LTBP1: variants seen among roughly 807,000 people sequenced by gnomAD.
The protein encoded by LTBP1 is latent transforming growth factor beta binding protein 1.
In LTBP1, 129 loss-of-function variants were observed where a neutral mutation model predicts 207.6. The ratio of observed to expected loss-of-function variants is 0.62; its 90% confidence interval spans 0.54 to 0.72. The LOEUF (loss-of-function observed/expected upper bound fraction) is 0.72, where lower values mean the gene tolerates loss of function less well. Among genes scored for constraint, LTBP1 ranks in the 30% least tolerant of loss-of-function variants. The pLI is 0.00. For synonymous variants in LTBP1, 963 were observed against 833.7 expected (o/e 1.16, Z -2.67); for missense variants, 2,281 against 2,217.2 (o/e 1.03, Z -0.58).
chr2:33,150,481 A>G (rs939398760), intron 5 of LTBP1, among the ~76,000 whole-genome samples: 9 of 151,896 alleles, frequency 5.9e-5, no homozygotes, highest in African/African-American at 1.9e-4. Flanking sequence ...TATATTCATA[A>G]TTTTGTTCAG....
intron 5 of LTBP1, among the ~76,000 whole-genome samples, chr2:33,182,074 A>G (rs1266793242): frequency 1.3e-5 from 2 of 152,184 alleles, no homozygotes; most frequent in African/African-American, 4.8e-5. Flanking sequence ...ACTGGAGAAT[A>G]GATATTTTAT....
At chr2:33,082,779 C>A (rs2078522048) in intron 3 of LTBP1, among the ~76,000 whole-genome samples, 1 of 152,098 alleles carries the variant, frequency 6.6e-6, no homozygotes, top group Non-Finnish European at 1.5e-5. Context: ...TCTGACCATG[C>A]TGTAGGAGGC....
chr2:33,323,060 G>C (rs917791360), intron 24 of LTBP1, among the ~76,000 whole-genome samples: 1 of 152,058 alleles, frequency 6.6e-6, no homozygotes, highest in South Asian at 2.1e-4. Flanking sequence ...ATTTATGATA[G>C]GGTTATGTCC....
chr2:32,949,298 C>G (rs1043018375), intron 2 of LTBP1, among the ~76,000 whole-genome samples: 1 of 152,196 alleles, frequency 6.6e-6, no homozygotes, highest in Non-Finnish European at 1.5e-5. Context: ...ATGATACCAA[C>G]AAATGAAAGA....
intron 5 of LTBP1, among the ~76,000 whole-genome samples, chr2:33,162,674 G>A (rs951623943): frequency 6.6e-6 from 1 of 152,184 alleles, no homozygotes; most frequent in South Asian, 2.1e-4. Flanking sequence ...TTATTCATAT[G>A]TATACCCTTT....
chr2:33,204,528 A>G (rs1185402248), intron 7 of LTBP1, among the ~76,000 whole-genome samples: 1 of 152,224 alleles, frequency 6.6e-6, no homozygotes, highest in Non-Finnish European at 1.5e-5. Context: ...CGGAGTTGTT[A>G]AAGAATATGG....
At chr2:33,276,008 C>T in intron 18 of LTBP1, 85 bp downstream of exon 18, 2 of 1,476,850 alleles carry the variant, frequency 1.4e-6, no homozygotes, top group Non-Finnish European at 1.8e-6. Context: ...TTCCTTCCCA[C>T]ACTCAGTGCG....
intron 3 of LTBP1, chr2:33,061,263 A>G (rs766484184): frequency 6.6e-6 from 1 of 152,180 alleles, no homozygotes; most frequent in African/African-American, 2.4e-5. Context: ...CATCATGAGT[A>G]TATGTTTACC....
intron 3 of LTBP1, among the ~76,000 whole-genome samples, chr2:33,090,716 G>T (rs1310123205): frequency 6.6e-6 from 1 of 152,110 alleles, no homozygotes; most frequent in African/African-American, 2.4e-5. Context: ...GGGTTGAGGC[G>T]GTGGGGTGCT....
Position 33,397,268 on chromosome 2 carries a change from A to C in LTBP1, c.4970A>C (p.Lys1657Thr). 1 of 1,614,122 alleles carries C rather than the reference A, an allele frequency of 6.2e-7. No homozygotes were observed. Among genetic ancestry groups the C allele is most frequent in the Non-Finnish European group, 8.5e-7 (1 of 1,179,964 alleles). ...GATGGGTATCACTTGGATACGGCCA[A>C]GATGACCTGTGTCGGTAAGAATGAC... ...CFDGYHLDTA[K>T]MTCVDVNECD... Residue 1657 changes from lysine (K) to threonine (T), a missense_variant, in exon 33 of 34, where the codon AAG (lysine) becomes ACG (threonine). By Grantham distance (78) the Lys-to-Thr change is moderately conservative (BLOSUM62 -1). Coordinates refer to ENST00000404816, the MANE Select transcript of LTBP1 (RefSeq NM_206943.4).
rs926740473 is a variant in LTBP1 at position 33,139,104 on chromosome 2, C to T, written c.1201+4144C>T. Among the ~76,000 whole-genome samples the T allele has an allele frequency of 9.9e-5, 15 of 151,742 alleles. No homozygotes were observed. The South Asian group carries it at 1.5e-3, about 15-fold the overall frequency. ...CCATCTCCTGACCTCGTGATCCGCCCGCCTCGGCCTCCCAAAGTGCTGGGA... is the reference window on the plus strand; with the variant it reads ...CCATCTCCTGACCTCGTGATCCGCCTGCCTCGGCCTCCCAAAGTGCTGGGA... On this transcript the variant is annotated intron_variant, in intron 5 of 33. Coordinates refer to ENST00000404816, the MANE Select transcript of LTBP1 (RefSeq NM_206943.4).
chr2:33,068,258 G>GT (rs200389997), intron 3 of LTBP1, among the ~76,000 whole-genome samples: 162 of 146,396 alleles, frequency 1.1e-3, no homozygotes, highest in East Asian at 7.9e-3. Context: ...TGCATGTTTA[G>GT]TTTTTTTTTT....
intron 23 of LTBP1, among the ~76,000 whole-genome samples, chr2:33,312,589 G>C (rs2149213314): frequency 6.6e-6 from 1 of 152,128 alleles, no homozygotes; most frequent in Middle Eastern, 3.4e-3. Flanking sequence ...TAGCAGCATA[G>C]TTTAGAAATG....
intron 2 of LTBP1, among the ~76,000 whole-genome samples, chr2:32,955,102 A>T (rs564776069): frequency 7.9e-4 from 120 of 152,346 alleles, no homozygotes; most frequent in African/African-American, 2.8e-3. Flanking sequence ...AGCATCCCAA[A>T]TCATGCTGAT....
At chr2:32,986,188 G>C (rs535363999) in intron 2 of LTBP1, among the ~76,000 whole-genome samples, 6 of 152,252 alleles carry the variant, frequency 3.9e-5, no homozygotes, top group African/African-American at 1.2e-4. Flanking sequence ...TCTTTAGTCT[G>C]GGAAATCCGG....
chr2:33,198,402 G>A (rs1482403350), intron 7 of LTBP1, among the ~76,000 whole-genome samples: 1 of 152,180 alleles, frequency 6.6e-6, no homozygotes, highest in Non-Finnish European at 1.5e-5. Flanking sequence ...TCAGGATGAT[G>A]CTGGCCTCAT....
chr2:32,989,533 G>T (rs188676979), intron 2 of LTBP1, among the ~76,000 whole-genome samples: 7 of 152,254 alleles, frequency 4.6e-5, no homozygotes, highest in Admixed American at 3.3e-4. Flanking sequence ...ACTCTGACCC[G>T]TGGATCAAAT....
At chr2:33,323,832 A>AT (rs1460700638) in intron 24 of LTBP1, among the ~76,000 whole-genome samples, 1 of 152,104 alleles carries the variant, frequency 6.6e-6, no homozygotes, top group Non-Finnish European at 1.5e-5. Context: ...AGCCTTCCCT[A>AT]TTTTTTGAAG....
chr2:33,134,618 CA>C lies in LTBP1; in HGVS notation c.1034-174del. On this transcript the variant is annotated intron_variant, in intron 4 of 33. Coordinates refer to ENST00000404816, the MANE Select transcript of LTBP1 (RefSeq NM_206943.4). The surrounding 1 kb of genome is among the most constrained non-coding windows in gnomAD (Gnocchi z 4.4). ...TTCAGAGACACCACTGAATACAGAG[CA>C]GCGAGCACTGAAGGCTTCCCTCTTT... 1 of 1,531,114 alleles carries C rather than the reference CA, an allele frequency of 6.5e-7. No homozygotes were observed. Among genetic ancestry groups the C allele is most frequent in the African/African-American group, 1.4e-5 (1 of 72,844 alleles). The allele number at this position is 1,531,114 out of a possible 1,614,324, so 94.8% of individuals were successfully genotyped here.
Sources: allele counts gnomAD v4.1 joint callset (sites outside exome capture counted in the v4.1 genomes callset), GRCh38; gene constraint gnomAD v4.1.1; non-coding constraint Gnocchi (gnomAD v3.1); transcripts MANE v1.5; gene names NCBI Gene and HGNC (gene_info 2026-07-23, HGNC 2026-07-21).